The following JCAD variants were observed in gnomAD, a reference collection of about 807,000 sequenced individuals.
The protein encoded by JCAD is junctional cadherin 5-associated protein.
In JCAD, 40 loss-of-function variants were observed where a neutral mutation model predicts 98.0. That is an observed-to-expected ratio of 0.41 (90% CI 0.32 to 0.53). The LOEUF (loss-of-function observed/expected upper bound fraction) is 0.53, where lower values mean the gene tolerates loss of function less well. Among genes scored for constraint, JCAD ranks in the 20% least tolerant of loss-of-function variants. The pLI is 0.31. For synonymous variants in JCAD, 691 were observed against 682.3 expected (o/e 1.01, Z -0.20); for missense variants, 1,705 against 1,738.1 (o/e 0.98, Z 0.34).
At chr10:30,097,781 T>C (rs1210365264) in intron 1 of JCAD, among the ~76,000 whole-genome samples, 3 of 150,534 alleles carry the variant, frequency 2.0e-5, no homozygotes, top group Non-Finnish European at 4.4e-5. Context: ...AATAAATAAA[T>C]AAAGGAAAGA....
chr10:30,074,932 A>G (rs1837956413), intron 1 of JCAD, among the ~76,000 whole-genome samples: 1 of 152,088 alleles, frequency 6.6e-6, no homozygotes, highest in African/African-American at 2.4e-5. Context: ...TGCTAGGACT[A>G]TGGGCACATG....
At chr10:30,107,937 C>T (rs192946894) in intron 1 of JCAD, among the ~76,000 whole-genome samples, 2 of 152,230 alleles carry the variant, frequency 1.3e-5, no homozygotes, top group Admixed American at 6.5e-5. Flanking sequence ...AATATGCACC[C>T]CTATCCTGGA....
intron 1 of JCAD, among the ~76,000 whole-genome samples, chr10:30,090,540 CAGGAA>C (rs553455815): frequency 2.3e-4 from 27 of 119,896 alleles, no homozygotes; most frequent in African/African-American, 8.1e-4. Flanking sequence ...GACTCTGTCT[CAGGAA>C]AGGAAAGGAA....
chr10:30,108,187 C>T (rs1489582630), intron 1 of JCAD, among the ~76,000 whole-genome samples: 1 of 152,044 alleles, frequency 6.6e-6, no homozygotes, highest in East Asian at 1.9e-4. Context: ...TGGTGCACAC[C>T]TGTAATCCCA....
intron 1 of JCAD, among the ~76,000 whole-genome samples, chr10:30,078,249 A>C (rs902107784): frequency 3.9e-5 from 6 of 152,186 alleles, no homozygotes; most frequent in Admixed American, 2.0e-4. Flanking sequence ...TATGAAGCCT[A>C]TTTCTTCACA....
Position 30,029,396 on chromosome 10 carries a change from T to C in JCAD, c.752A>G (p.Asn251Ser), listed in dbSNP as rs1414009733. ...LSCTEIPIPL[N>S]ERHSPKMPPY... ...TGGCATTTTAGGTGAATGTCTTTCATTTAATGGAATGGGAATTTCCGTGCA... is the reference window on the plus strand; with the variant it reads ...TGGCATTTTAGGTGAATGTCTTTCACTTAATGGAATGGGAATTTCCGTGCA... The change falls in exon 3 of 4, where the codon AAT becomes AGT. Residue 251 changes from asparagine (N) to serine (S), a missense_variant. This residue lies in a region of JCAD where 275 missense variants were observed against 346.9 expected (regional missense o/e 0.79). Coordinates refer to ENST00000375377, the MANE Select transcript of JCAD (RefSeq NM_020848.4). The C allele has an allele frequency of 3.7e-6, 6 of 1,613,870 alleles. No homozygotes were observed. Among genetic ancestry groups the C allele is most frequent in the Middle Eastern group, 1.6e-4 (1 of 6,084 alleles).
chr10:30,101,052 G>A (rs1056772258), intron 1 of JCAD, among the ~76,000 whole-genome samples: 4 of 152,204 alleles, frequency 2.6e-5, no homozygotes, highest in Non-Finnish European at 5.9e-5. Context: ...TTATCATGCA[G>A]AGGAAGCCTT....
intron 1 of JCAD, among the ~76,000 whole-genome samples, chr10:30,111,024 C>A (rs996319281): frequency 2.6e-5 from 4 of 151,846 alleles, no homozygotes; most frequent in African/African-American, 9.7e-5. Flanking sequence ...TATGGGGCAG[C>A]TGATGTATAG....
At position 30,028,958 on chromosome 10, in the gene JCAD, T is replaced by C. The variant is rs1446039987; in HGVS notation, c.1190A>G (p.Tyr397Cys). 4 of 1,613,864 alleles carry C rather than the reference T, an allele frequency of 2.5e-6. No individual in the cohort carries two copies. The highest frequency in any genetic ancestry group is 3.4e-6 in the Non-Finnish European group (4 of 1,180,004). ...CTGAGGCAAGCGGGGGCTCACACCA[T>C]ACTCATTCCCAGTTCCAGGGGGGCC... ...PSGPPGTGNE[Y>C]GVSPRLPQGL... The change falls in exon 3 of 4, where the codon TAT becomes TGT. Residue 397 changes from tyrosine (Y) to cysteine (C), a missense_variant. Physicochemically the swap from Tyr to Cys is radical, Grantham distance 194. Around this residue, in one of 3 missense-constraint regions of JCAD, gnomAD observed 1,278 missense variants for 1,243.1 expected, o/e 1.03. Coordinates refer to ENST00000375377, the MANE Select transcript of JCAD (RefSeq NM_020848.4).
At chr10:30,081,764 C>G (rs61841136) in intron 1 of JCAD, among the ~76,000 whole-genome samples, 3 of 152,210 alleles carry the variant, frequency 2.0e-5, no homozygotes, top group Admixed American at 2.0e-4. Context: ...CTAGCACGTA[C>G]CAGCAGCAGT....
At chr10:30,074,824 CCT>C (rs929233243) in intron 1 of JCAD, among the ~76,000 whole-genome samples, 6 of 152,044 alleles carry the variant, frequency 3.9e-5, no homozygotes, top group African/African-American at 1.2e-4. Context: ...ACAAGATCTC[CCT>C]CTCTCACCCA....
chr10:30,035,441 A>G (rs1189676918), intron 2 of JCAD, among the ~76,000 whole-genome samples: 1 of 152,254 alleles, frequency 6.6e-6, no homozygotes, highest in Non-Finnish European at 1.5e-5. Context: ...CCATTTAATT[A>G]ATAAACATCT....
intron 2 of JCAD, among the ~76,000 whole-genome samples, chr10:30,066,133 G>T (rs1564461129): frequency 6.6e-6 from 1 of 152,206 alleles, no homozygotes; most frequent in Non-Finnish European, 1.5e-5. Flanking sequence ...GTCATTGTAT[G>T]ATGATGGAGA....
intron 1 of JCAD, among the ~76,000 whole-genome samples, chr10:30,113,064 C>G (rs1256830030): frequency 6.6e-6 from 1 of 152,034 alleles, no homozygotes; most frequent in Non-Finnish European, 1.5e-5. Flanking sequence ...TATCACTGCA[C>G]TGTACACTTT....
chr10:30,063,864 G>A (rs1311810634), upstream of JCAD, among the ~76,000 whole-genome samples: 1 of 151,924 alleles, frequency 6.6e-6, no homozygotes, highest in Non-Finnish European at 1.5e-5. Flanking sequence ...CTGGAGTGCA[G>A]TGTCGTGATC....
Position 30,076,254 on chromosome 10 carries a change from T to C in JCAD, n.129-6433A>G, listed in dbSNP as rs182070185. On this transcript the variant is annotated intron_variant and non_coding_transcript_variant, in intron 1 of 2. Transcript: ENST00000465712. ...GTTGGCCAGGCTGGTCTCAAACTCC[T>C]GACCTCAGGTGATCCACCTGCCTCG... 3.0e-3 allele frequency among the ~76,000 whole-genome samples: 464 copies of C among 152,264 alleles called. 1 individual carries two copies. The highest frequency in any genetic ancestry group is 5.5e-3 in the Non-Finnish European group (371 of 68,012).
chr10:30,110,330 G>A (rs1838668673), intron 1 of JCAD, among the ~76,000 whole-genome samples: 1 of 151,816 alleles, frequency 6.6e-6, no homozygotes, highest in African/African-American at 2.4e-5. Context: ...CTGATGCATG[G>A]ACCAGATGAT....
intron 1 of JCAD, among the ~76,000 whole-genome samples, chr10:30,108,007 G>A (rs1045238528): frequency 1.3e-5 from 2 of 152,004 alleles, no homozygotes; most frequent in Admixed American, 1.3e-4. Context: ...AATATGTCAG[G>A]AGCCCTATCT....
chr10:30,037,975 A>G (rs1837151602), intron 2 of JCAD, among the ~76,000 whole-genome samples: 1 of 151,490 alleles, frequency 6.6e-6, no homozygotes, highest in Non-Finnish European at 1.5e-5. Flanking sequence ...CATTGCCACT[A>G]CAGTGCCAAC....
Sources: gnomAD v4.1 joint callset for allele counts (sites outside exome capture counted in the v4.1 genomes callset) on GRCh38, gnomAD v4.1.1 for gene constraint, gnomAD v4.1.1 regional missense constraint, MANE v1.5 for transcripts, NCBI Gene and HGNC (gene_info 2026-07-23, HGNC 2026-07-21) for gene names.